The following FHL2 variants were observed in gnomAD, a reference collection of about 807,000 sequenced individuals.
FHL2 encodes the protein four and a half LIM domains protein 2.
In FHL2, 20 loss-of-function variants were observed where a neutral mutation model predicts 32.7. The observed-to-expected ratio is 0.61, with a 90% CI of 0.43 to 0.89. The LOEUF is 0.89. Among genes scored for constraint, FHL2 ranks in the 40% least tolerant of loss-of-function variants. The pLI is 0.00. For missense variants in FHL2, 311 were observed against 358.6 expected (o/e 0.87, Z 1.07); for synonymous variants, 123 against 128.1 (o/e 0.96, Z 0.27).
intron 5 of FHL2, among the ~76,000 whole-genome samples, chr2:105,367,070 G>A (rs1046799171): frequency 2.6e-5 from 4 of 152,174 alleles, no homozygotes; most frequent in African/African-American, 7.2e-5. Flanking sequence ...CTCCATGCCC[G>A]GCCAGAGTAG....
intron 1 of FHL2, among the ~76,000 whole-genome samples, chr2:105,407,885 G>T (rs957119284): frequency 6.6e-6 from 1 of 152,126 alleles, no homozygotes; most frequent in African/African-American, 2.4e-5. Flanking sequence ...TCCTGCAAAC[G>T]GAAGCCACCA....
intron 1 of FHL2, among the ~76,000 whole-genome samples, chr2:105,436,499 C>T (rs959987218): frequency 6.6e-6 from 1 of 151,926 alleles, no homozygotes; most frequent in East Asian, 1.9e-4. Context: ...TTTGAATCTA[C>T]AGTAAAAGAC....
chr2:105,403,704 C>T (rs1683542929), upstream of FHL2, among the ~76,000 whole-genome samples: 2 of 152,212 alleles, frequency 1.3e-5, no homozygotes, highest in Admixed American at 1.3e-4. Flanking sequence ...CAACTCTGGA[C>T]TCGGTAATTT....
At chr2:105,423,770 T>A (rs1684175919) in intron 1 of FHL2, among the ~76,000 whole-genome samples, 1 of 152,104 alleles carries the variant, frequency 6.6e-6, no homozygotes, top group Non-Finnish European at 1.5e-5. Context: ...ACAACAGAAA[T>A]AGGGAAAGGA....
intron 3 of FHL2, among the ~76,000 whole-genome samples, chr2:105,383,441 A>G (rs1045268802): frequency 6.6e-6 from 1 of 152,244 alleles, no homozygotes; most frequent in Non-Finnish European, 1.5e-5. Flanking sequence ...TAATAGAAAT[A>G]AAGATTACAA....
downstream of FHL2, chr2:105,358,010 A>G (rs1170332672): frequency 6.6e-6 from 1 of 152,176 alleles, no homozygotes. Flanking sequence ...CTGTCCATAC[A>G]TACTTCCCGA....
At chr2:105,399,622 C>CTAGT, upstream of FHL2, 1 of 1,520,294 alleles carries the variant, frequency 6.6e-7, no homozygotes, top group African/African-American at 1.4e-5. Flanking sequence ...GGCCAGAAGA[C>CTAGT]TAGTTAGACA....
intron 2 of FHL2, among the ~76,000 whole-genome samples, chr2:105,393,235 A>G (rs1165353605): frequency 6.6e-6 from 1 of 152,044 alleles, no homozygotes; most frequent in Non-Finnish European, 1.5e-5. Context: ...TTGAAACCCC[A>G]AGTGCTTCTC....
At chr2:105,362,550 C>A (rs1680343513) in intron 6 of FHL2, among the ~76,000 whole-genome samples, 1 of 152,218 alleles carries the variant, frequency 6.6e-6, no homozygotes, top group African/African-American at 2.4e-5. Flanking sequence ...AGGAACGAAC[C>A]AGTCAACTGA....
chr2:105,384,530 CAG>C (rs1325272196), intron 3 of FHL2, among the ~76,000 whole-genome samples: 1 of 152,036 alleles, frequency 6.6e-6, no homozygotes, highest in Non-Finnish European at 1.5e-5. Flanking sequence ...TTTTTTGAGA[CAG>C]AGTCTTACTC....
chr2:105,438,419 C>A (rs950829826), exon 1 of FHL2: 1 of 985,460 alleles, frequency 1.0e-6, no homozygotes, highest in Non-Finnish European at 1.2e-6. Flanking sequence ...AGGGTTCTGT[C>A]TTCTGTCCTC....
At chr2:105,391,972 C>G (rs1489698286) in intron 2 of FHL2, among the ~76,000 whole-genome samples, 1 of 152,186 alleles carries the variant, frequency 6.6e-6, no homozygotes, top group Non-Finnish European at 1.5e-5. Context: ...GTTCTTATTC[C>G]TCACCAAGCT....
intron 1 of FHL2, among the ~76,000 whole-genome samples, chr2:105,431,466 G>C (rs1394057336): frequency 1.3e-5 from 2 of 152,168 alleles, no homozygotes; most frequent in Non-Finnish European, 2.9e-5. Context: ...AAGGAGGAAG[G>C]CATGTGATTG....
At chr2:105,437,698 T>C (rs1467138498) in intron 1 of FHL2, among the ~76,000 whole-genome samples, 1 of 152,226 alleles carries the variant, frequency 6.6e-6, no homozygotes, top group African/African-American at 2.4e-5. Flanking sequence ...ATATATGATG[T>C]CTATTATCAT....
At chr2:105,433,588 C>A (rs180946915) in intron 1 of FHL2, among the ~76,000 whole-genome samples, 226 of 152,232 alleles carry the variant, frequency 1.5e-3, no homozygotes, top group South Asian at 5.4e-3. Flanking sequence ...TCTGGCTTCC[C>A]CTGTACTGCC....
intron 1 of FHL2, among the ~76,000 whole-genome samples, chr2:105,429,652 C>T (rs915774229): frequency 2.6e-5 from 4 of 152,248 alleles, no homozygotes; most frequent in Admixed American, 2.0e-4. Flanking sequence ...CTTCTGACCT[C>T]CAAAAATGAA....
At chr2:105,435,678 C>A (rs966861727) in intron 1 of FHL2, among the ~76,000 whole-genome samples, 4 of 152,050 alleles carry the variant, frequency 2.6e-5, no homozygotes, top group Admixed American at 1.3e-4. Flanking sequence ...AAAAATTAGC[C>A]GGACATGGTG....
chr2:105,427,348 A>G (rs1302312478), intron 1 of FHL2, among the ~76,000 whole-genome samples: 2 of 152,138 alleles, frequency 1.3e-5, no homozygotes, highest in Admixed American at 6.5e-5. Flanking sequence ...GCTGATCTCA[A>G]TCCACTGAAC....
At chr2:105,385,684 TG>T (rs1218706842) in intron 3 of FHL2, among the ~76,000 whole-genome samples, 1 of 152,124 alleles carries the variant, frequency 6.6e-6, no homozygotes, top group Non-Finnish European at 1.5e-5. Flanking sequence ...TCCCCCAGGG[TG>T]TCCTTCAGCA....
Sources: gnomAD v4.1 joint callset for allele counts (sites outside exome capture counted in the v4.1 genomes callset) on GRCh38, gnomAD v4.1.1 for gene constraint, MANE v1.5 for transcripts, NCBI Gene and HGNC (gene_info 2026-07-23, HGNC 2026-07-21) for gene names.